Variants in COG5 observed in about 807,000 individuals in gnomAD.
COG5 encodes component of oligomeric golgi complex 5.
COG5 carries 86 observed loss-of-function variants against 110.4 expected under a neutral mutation model. The observed-to-expected ratio is 0.78, with a 90% CI of 0.65 to 0.93. The LOEUF is 0.93. Among genes scored for constraint, COG5 ranks in the 40% least tolerant of loss-of-function variants. The pLI is 0.00. For missense variants in COG5, 1,077 were observed against 987.0 expected (o/e 1.09, Z -1.22); for synonymous variants, 360 against 334.6 (o/e 1.08, Z -0.83).
At chr7:107,412,831 T>C (rs1350517978) in intron 6 of COG5, among the ~76,000 whole-genome samples, 199 bp from the exon 7 acceptor site, 1 of 152,090 alleles carries the variant, frequency 6.6e-6, no homozygotes, top group Non-Finnish European at 1.5e-5. Context: ...AGTTAAATGC[T>C]CCAAATAAGA....
chr7:107,230,777 C>G, intron 18 of COG5, 86 bp from the exon 19 acceptor site: 1 of 1,055,324 alleles, frequency 9.5e-7, no homozygotes, highest in Non-Finnish European at 1.5e-6. Flanking sequence ...AAAGTTGTAG[C>G]TTGCAGTAAA....
Position 107,449,910 on chromosome 7 carries a change from T to C in COG5, c.539-37278A>G, listed in dbSNP as rs1397620155. On this transcript the variant is annotated intron_variant, in intron 6 of 21. Coordinates refer to ENST00000297135, the MANE Select transcript of COG5 (RefSeq NM_006348.5). ...GATTGCTACAAAAAAGGCACACCTA[T>C]ATGATTCAAGAAATAGTGAGGTCAT... is the stretch of plus-strand genomic sequence containing the variant. 2.0e-5 allele frequency among the ~76,000 whole-genome samples: 3 copies of C among 152,206 alleles called. No homozygotes were observed. In the East Asian group the frequency reaches 5.8e-4, roughly 29 times the overall value.
chr7:107,255,863 T>G (rs1026493406), intron 16 of COG5, among the ~76,000 whole-genome samples: 1 of 152,108 alleles, frequency 6.6e-6, no homozygotes. Context: ...AAATAAATAT[T>G]TAGCAAATAA....
chr7:107,514,304 T>G (rs979230861), intron 6 of COG5, among the ~76,000 whole-genome samples: 5 of 149,886 alleles, frequency 3.3e-5, no homozygotes, highest in African/African-American at 9.9e-5. Context: ...ATAAAATACA[T>G]TTTCTATATA....
chr7:107,375,158 A>G (rs1299518587), intron 7 of COG5, among the ~76,000 whole-genome samples: 3 of 151,992 alleles, frequency 2.0e-5, no homozygotes, highest in South Asian at 4.1e-4. Context: ...TTTACTCAAC[A>G]TATTTTTTTG....
chr7:107,435,007 G>C (rs796662908), intron 6 of COG5, among the ~76,000 whole-genome samples: 13 of 151,428 alleles, frequency 8.6e-5, no homozygotes, highest in African/African-American at 3.1e-4. Context: ...GTCACATATT[G>C]CAACACAGAT....
intron 6 of COG5, among the ~76,000 whole-genome samples, chr7:107,437,156 T>C (rs1304632799): frequency 6.6e-6 from 1 of 152,186 alleles, no homozygotes; most frequent in African/African-American, 2.4e-5. Context: ...TCAAATGAGA[T>C]ATTTACCAAA....
chr7:107,438,344 C>CCATTAGTAATT (rs1794486004), intron 6 of COG5, among the ~76,000 whole-genome samples: 1 of 152,168 alleles, frequency 6.6e-6, no homozygotes, highest in African/African-American at 2.4e-5. Context: ...TTAGTTTATT[C>CCATTAGTAATT]CCATAAATTT....
At chr7:107,423,967 G>A (rs557430380) in intron 6 of COG5, among the ~76,000 whole-genome samples, 257 of 152,248 alleles carry the variant, frequency 1.7e-3, no homozygotes, top group Non-Finnish European at 3.1e-3. Flanking sequence ...TCTAGAAAAT[G>A]CAAAGTAGAA....
intron 17 of COG5, among the ~76,000 whole-genome samples, chr7:107,240,152 C>T (rs1215857790): frequency 2.6e-5 from 4 of 152,136 alleles, no homozygotes; most frequent in Admixed American, 1.3e-4. Flanking sequence ...GAAAGAAACA[C>T]GTCAGTCTTT....
intron 6 of COG5, among the ~76,000 whole-genome samples, chr7:107,439,279 G>GA (rs150462914): frequency 0.018 from 2,722 of 147,928 alleles, 79 homozygotes; most frequent in African/African-American, 0.061. Context: ...GCTTATAAAA[G>GA]AAAAAAAAAA....
chr7:107,296,979 G>C (rs1209052642), intron 12 of COG5, among the ~76,000 whole-genome samples: 1 of 152,174 alleles, frequency 6.6e-6, no homozygotes, highest in African/African-American at 2.4e-5. Flanking sequence ...CAAATTGAAA[G>C]TTTAAAATAC....
chr7:107,519,688 G>C (rs1053018868), intron 6 of COG5, among the ~76,000 whole-genome samples: 2 of 152,136 alleles, frequency 1.3e-5, no homozygotes, highest in African/African-American at 4.8e-5. Flanking sequence ...GGACCAGACG[G>C]ATTCACAGCC....
intron 1 of COG5, 188 bp downstream of exon 1, chr7:107,563,615 G>T: frequency 1.5e-6 from 1 of 685,950 alleles, no homozygotes; most frequent in Non-Finnish European, 2.7e-6. Flanking sequence ...CCAGAAAAGA[G>T]GGAGCCAGTC....
intron 6 of COG5, among the ~76,000 whole-genome samples, chr7:107,509,461 T>C: frequency 6.6e-6 from 1 of 152,186 alleles, no homozygotes; most frequent in Non-Finnish European, 1.5e-5. Flanking sequence ...GGAACCAAGT[T>C]GGAAAACACT....
intron 6 of COG5, among the ~76,000 whole-genome samples, chr7:107,510,953 A>G (rs188698537): frequency 6.6e-5 from 10 of 152,320 alleles, no homozygotes; most frequent in Admixed American, 2.0e-4. Flanking sequence ...GAAAGATCCA[A>G]AATTGACACC....
Position 107,288,121 on chromosome 7 carries a change from T to C in COG5, c.1314-4389A>G, listed in dbSNP as rs558933198. 3.3e-5 allele frequency among the ~76,000 whole-genome samples: 5 copies of C among 152,228 alleles called. No homozygotes were observed. The East Asian group carries it at 5.8e-4, about 18-fold the overall frequency. On this transcript the variant is annotated intron_variant, in intron 12 of 21. Transcript: ENST00000297135. ...GCTCATGCCTGTAATCCCAACACTT[T>C]GGGAGGCTGAGGCAGGAGGATCCCT...
At chr7:107,307,071 T>G (rs1807789367) in intron 11 of COG5, among the ~76,000 whole-genome samples, 1 of 152,220 alleles carries the variant, frequency 6.6e-6, no homozygotes, top group South Asian at 2.1e-4. Flanking sequence ...CTTAACTCTA[T>G]AAACTATTCA....
intron 3 of COG5, among the ~76,000 whole-genome samples, chr7:107,551,730 A>C (rs758948536): frequency 1.8e-4 from 28 of 151,818 alleles, no homozygotes; most frequent in Admixed American, 1.4e-3. Flanking sequence ...CGATCCTCCT[A>C]CATCAGCCTC....
Sources: allele counts gnomAD v4.1 joint callset (sites outside exome capture counted in the v4.1 genomes callset), GRCh38; gene constraint gnomAD v4.1.1; transcripts MANE v1.5; gene names NCBI Gene and HGNC (gene_info 2026-07-23, HGNC 2026-07-21).